The following KLHL7 variants were observed in gnomAD, a reference collection of about 807,000 sequenced individuals.
KLHL7 encodes the protein kelch-like protein 7.
Under a neutral mutation model 67.4 loss-of-function variants are expected in KLHL7, and 44 were observed. The ratio of observed to expected loss-of-function variants is 0.65; its 90% CI spans 0.51 to 0.84. KLHL7 has a LOEUF of 0.84. Ranked by LOEUF, KLHL7 falls within the 40% of genes least tolerant of loss-of-function variation. The pLI, the probability that KLHL7 is intolerant of heterozygous loss-of-function variation, is 0.00. For missense variants in KLHL7, 362 were observed against 718.1 expected (o/e 0.50, Z 5.67); for synonymous variants, 252 against 243.3 (o/e 1.04, Z -0.33).
intron 5 of KLHL7, among the ~76,000 whole-genome samples, chr7:23,142,130 T>G (rs7809661): frequency 0.49 from 73,681 of 151,196 alleles, 19,996 homozygotes; most frequent in African/African-American, 0.74. Flanking sequence ...TCTCAAACAG[T>G]TGACCTGCCC....
chr7:23,166,070 C>A, intron 8 of KLHL7, 132 bp downstream of exon 8: 1 of 1,037,774 alleles, frequency 9.6e-7, no homozygotes, highest in Non-Finnish European at 1.5e-6. Context: ...GTGTTTGTCA[C>A]ATTTTAGAGC....
At chr7:23,119,081 A>G (rs1198038528) in intron 1 of KLHL7, among the ~76,000 whole-genome samples, 7 of 152,146 alleles carry the variant, frequency 4.6e-5, no homozygotes, top group Non-Finnish European at 8.8e-5. Flanking sequence ...AAAAAAGAAA[A>G]AGAAAAATTG....
intron 4 of KLHL7, among the ~76,000 whole-genome samples, chr7:23,139,402 G>C (rs896296591): frequency 3.3e-5 from 5 of 152,176 alleles, no homozygotes; most frequent in African/African-American, 1.2e-4. Flanking sequence ...GATGCTGAAG[G>C]CACCTTTTGT....
intron 10 of KLHL7, among the ~76,000 whole-genome samples, chr7:23,173,613 G>A (rs760065850): frequency 6.6e-6 from 1 of 152,192 alleles, no homozygotes; most frequent in Non-Finnish European, 1.5e-5. Context: ...TCACTTAAGT[G>A]TACCAGTAAC....
At chr7:23,169,274 A>G (rs1210758907) in intron 9 of KLHL7, among the ~76,000 whole-genome samples, 1 of 149,540 alleles carries the variant, frequency 6.7e-6, no homozygotes, top group East Asian at 1.9e-4. Flanking sequence ...AAAATAAAAA[A>G]TAAAAAAATA....
intron 1 of KLHL7, among the ~76,000 whole-genome samples, chr7:23,120,395 A>T (rs994225442): frequency 2.0e-5 from 3 of 151,868 alleles, no homozygotes; most frequent in South Asian, 2.1e-4. Context: ...TTTCTTAAAA[A>T]TTTTTTTTTG....
intron 1 of KLHL7, among the ~76,000 whole-genome samples, chr7:23,114,732 A>G (rs1160643663): frequency 6.6e-6 from 1 of 152,244 alleles, no homozygotes; most frequent in South Asian, 2.1e-4. Flanking sequence ...AAGCTTTGAA[A>G]TGGGTGGATA....
intron 4 of KLHL7, among the ~76,000 whole-genome samples, chr7:23,137,635 T>C (rs1449912516): frequency 1.3e-5 from 2 of 151,284 alleles, no homozygotes; most frequent in Admixed American, 6.6e-5. Flanking sequence ...CCCACCAGCA[T>C]GCCCGGCTAA....
At chr7:23,154,334 A>C (rs1370011494) in intron 7 of KLHL7, among the ~76,000 whole-genome samples, 1 of 149,704 alleles carries the variant, frequency 6.7e-6, no homozygotes. Context: ...CAGCCTGGGC[A>C]ACAGAGTGAG....
At position 23,165,699 on chromosome 7, in the gene KLHL7, A is replaced by T; in HGVS notation, c.938A>T (p.Asp313Val). 6.2e-7 allele frequency: 1 copy of T among 1,613,870 alleles called. No homozygotes were observed. Among genetic ancestry groups the T allele is most frequent in the Non-Finnish European group, 8.5e-7 (1 of 1,179,938 alleles). ...GCTTCCCATCCTTTTCTGCTACAGG[A>T]TTATAGCTGGACAGACATCCGCTGC... Reference protein sequence around the residue: ...PQSCRYFNPKDYSWTDIRCPF... With the variant: ...PQSCRYFNPKVYSWTDIRCPF... The change falls in exon 8 of 11, where the codon GAT becomes GTT. Residue 313 changes from aspartate to valine, a missense_variant and splice_region_variant. By Grantham distance (152) the Asp-to-Val change is radical. This residue lies in a region of KLHL7 where 155 missense variants were observed against 280.8 expected (regional missense o/e 0.55). Coordinates refer to ENST00000339077, the MANE Select transcript of KLHL7 (RefSeq NM_001031710.3).
At chr7:23,158,158 G>T (rs1008399624) in intron 7 of KLHL7, among the ~76,000 whole-genome samples, 10 of 152,026 alleles carry the variant, frequency 6.6e-5, no homozygotes, top group Non-Finnish European at 1.3e-4. Context: ...TAGCAACAGG[G>T]GTCTCTCTGT....
At chr7:23,153,061 A>G (rs555916999) in intron 7 of KLHL7, among the ~76,000 whole-genome samples, 1 of 152,224 alleles carries the variant, frequency 6.6e-6, no homozygotes, top group African/African-American at 2.4e-5. Flanking sequence ...TCAAGCCTAC[A>G]TCCTTCTGGA....
chr7:23,145,400 CT>C (rs1311166956), intron 6 of KLHL7, among the ~76,000 whole-genome samples: 2 of 151,846 alleles, frequency 1.3e-5, no homozygotes, highest in Non-Finnish European at 2.9e-5. Flanking sequence ...CTTTGTAGTG[CT>C]TTTGAAGTTT....
At chr7:23,162,894 T>G (rs1022023978) in intron 7 of KLHL7, among the ~76,000 whole-genome samples, 19 of 152,306 alleles carry the variant, frequency 1.2e-4, no homozygotes, top group South Asian at 4.1e-4. Context: ...TTTGCTTTCT[T>G]TTTTCCCTAA....
In KLHL7 at chr7:23,172,991, G is replaced by A. The variant is rs746424333; in HGVS notation, c.1423G>A (p.Gly475Arg). 8 of 1,613,822 alleles carry A rather than the reference G, an allele frequency of 5.0e-6. No homozygotes were observed. Among genetic ancestry groups the A allele is most frequent in the East Asian group, 2.2e-5 (1 of 44,820 alleles). ...CPMIEARKNH[G>R]LVFVKDKIFA... is the part of the protein sequence containing the mutation. ...AATGATTGAAGCCAGGAAGAATCAT[G>A]GGCTGGTATTTGTAAAAGACAAGAT... The change falls in exon 10 of 11, where the codon GGG (glycine) becomes AGG (arginine). Residue 475 changes from glycine to arginine, a missense_variant. This residue lies in a region of KLHL7 where 136 missense variants were observed against 252.7 expected (regional missense o/e 0.54). Transcript: ENST00000339077.
rs968543626 is a variant in KLHL7 at position 23,177,066 on chromosome 7, CGAG to C, written c.*2771_*2773del. On this transcript the variant is annotated 3_prime_UTR_variant, in exon 11 of 11. Coordinates refer to ENST00000339077, the MANE Select transcript of KLHL7 (RefSeq NM_001031710.3). The stretch of plus-strand genomic sequence containing the variant: ...CACCTGTAAAGACCCCATTTCCAAA[CGAG>C]GACACATTCTGAGCTTCTGGATAGA... 2 of 152,156 alleles carry C rather than the reference CGAG, an allele frequency of 1.3e-5. No homozygotes were observed. Among genetic ancestry groups the C allele is most frequent in the Non-Finnish European group, 2.9e-5 (2 of 68,038 alleles). The allele number at this position is 152,156 out of a possible 1,614,324, so 9.4% of individuals were successfully genotyped here. A position where few individuals can be genotyped will look rare whatever the true frequency, so the allele number is the denominator to read the frequency against.
intron 1 of KLHL7, among the ~76,000 whole-genome samples, chr7:23,108,036 C>T (rs541415641): frequency 1.3e-5 from 2 of 152,254 alleles, no homozygotes; most frequent in African/African-American, 4.8e-5. Flanking sequence ...TGAGTGAGGA[C>T]CAACTTTATA....
At chr7:23,163,956 A>C (rs1203390509) in intron 7 of KLHL7, among the ~76,000 whole-genome samples, 1 of 152,052 alleles carries the variant, frequency 6.6e-6, no homozygotes, top group Non-Finnish European at 1.5e-5. Context: ...CTGTGACTCT[A>C]CTGTTATTTG....
chr7:23,173,031 G>A lies in KLHL7; in HGVS notation c.1463G>A (p.Gly488Asp), dbSNP rs1785209978. 1.2e-6 allele frequency: 2 copies of A among 1,612,840 alleles called. No individual in the cohort carries two copies. Among genetic ancestry groups the A allele is most frequent in the Non-Finnish European group, 8.5e-7 (1 of 1,178,916 alleles). Residue 488 changes from glycine to aspartate, a missense_variant, in exon 10 of 11, where the codon GGT becomes GAT. Gly to Asp is a moderately conservative substitution (Grantham distance 94, BLOSUM62 -1). Transcript: ENST00000339077. ...FVKDKIFAVG[G>D]QNGLGGLDNV... Reference sequence around the variant, plus strand: ...AAAGACAAGATATTTGCTGTGGGTGGTCAGAATGGTTTAGGTATGTGATGT... The same window carrying A: ...AAAGACAAGATATTTGCTGTGGGTGATCAGAATGGTTTAGGTATGTGATGT...
Sources: gnomAD v4.1 joint callset for allele counts (sites outside exome capture counted in the v4.1 genomes callset) on GRCh38, gnomAD v4.1.1 for gene constraint, gnomAD v4.1.1 regional missense constraint, MANE v1.5 for transcripts, NCBI Gene and HGNC (gene_info 2026-07-23, HGNC 2026-07-21) for gene names.